The following SOX5 variants were observed in gnomAD, a reference collection of about 807,000 sequenced individuals.
The protein encoded by SOX5 is transcription factor SOX-5.
SOX5 carries 9 observed loss-of-function variants against 92.0 expected under a neutral mutation model. That is an observed-to-expected ratio of 0.10 (90% CI 0.06 to 0.17). The LOEUF is 0.17. SOX5 is among the 10% of genes least tolerant of loss of function. SOX5 has a pLI of 1.00. For synonymous variants in SOX5, 344 were observed against 336.3 expected, an observed-to-expected ratio of 1.02 and a Z score of -0.25; for missense variants, 642 against 944.5, an observed-to-expected ratio of 0.68 and a Z score of 4.20.
intron 1 of SOX5, among the ~76,000 whole-genome samples, chr12:24,528,865 G>T (rs1950938340): frequency 6.6e-6 from 1 of 152,220 alleles, no homozygotes; most frequent in Non-Finnish European, 1.5e-5. Context: ...AAGCCTGGAT[G>T]TTATAGCTGA....
At chr12:24,098,957 A>T (rs537939961) in intron 4 of SOX5, among the ~76,000 whole-genome samples, 1 of 152,114 alleles carries the variant, frequency 6.6e-6, no homozygotes, top group Non-Finnish European at 1.5e-5. Flanking sequence ...CAAAATGGCT[A>T]TTTGTTAGTT....
intron 4 of SOX5, among the ~76,000 whole-genome samples, chr12:23,967,308 G>A (rs1263955200): frequency 6.6e-6 from 1 of 152,004 alleles, no homozygotes; most frequent in Non-Finnish European, 1.5e-5. Context: ...AAAGTCAATT[G>A]AAACTGAGCA....
intron 1 of SOX5, among the ~76,000 whole-genome samples, chr12:24,470,336 C>T (rs1470189935): frequency 6.6e-6 from 1 of 152,108 alleles, no homozygotes; most frequent in African/African-American, 2.4e-5. Context: ...ATTACTGACA[C>T]ATCCACAATA....
At chr12:23,872,818 C>A (rs1245347523) in intron 2 of SOX5, among the ~76,000 whole-genome samples, 2 of 152,084 alleles carry the variant, frequency 1.3e-5, no homozygotes, top group African/African-American at 4.8e-5. Flanking sequence ...TGGAGAACTA[C>A]GCAAGAAAAG....
chr12:24,201,190 A>G (rs777844224), intron 4 of SOX5, among the ~76,000 whole-genome samples: 2 of 152,116 alleles, frequency 1.3e-5, no homozygotes, highest in Admixed American at 6.5e-5. Context: ...TGCTTCTTAT[A>G]TGTACTGTAA....
intron 4 of SOX5, among the ~76,000 whole-genome samples, chr12:24,092,316 T>G (rs76850951): frequency 0.012 from 1,843 of 152,280 alleles, 24 homozygotes; most frequent in African/African-American, 0.041. Context: ...CGGAATTTTT[T>G]TTTTTCCAGT....
At chr12:24,508,071 G>C (rs1043886291) in intron 1 of SOX5, among the ~76,000 whole-genome samples, 68 of 152,136 alleles carry the variant, frequency 4.5e-4, no homozygotes, top group African/African-American at 1.5e-3. Context: ...GGGAGGGCCA[G>C]GTTGCAGCAG....
intron 4 of SOX5, among the ~76,000 whole-genome samples, chr12:24,192,416 G>A (rs1167886085): frequency 1.4e-5 from 2 of 139,838 alleles, no homozygotes; most frequent in Admixed American, 1.4e-4. Context: ...ACTTGGTGCA[G>A]TGTGTTTTCT....
chr12:23,726,293 G>C (rs2093130952), intron 6 of SOX5, among the ~76,000 whole-genome samples: 1 of 152,080 alleles, frequency 6.6e-6, no homozygotes, highest in Admixed American at 6.6e-5. Flanking sequence ...AGAGATGTCT[G>C]GAATGTATGT....
intron 9 of SOX5, among the ~76,000 whole-genome samples, chr12:23,579,870 A>T (rs1949796007): frequency 6.6e-6 from 1 of 152,112 alleles, no homozygotes; most frequent in African/African-American, 2.4e-5. Context: ...TACACCATCA[A>T]GCAGTGAGCA....
chr12:23,683,151 G>C (rs1355216264), intron 6 of SOX5, among the ~76,000 whole-genome samples: 1 of 151,866 alleles, frequency 6.6e-6, no homozygotes, highest in African/African-American at 2.4e-5. Context: ...AATGTGATAA[G>C]CAAGTAACTA....
chr12:24,361,140 T>A (rs1042735563), intron 2 of SOX5, among the ~76,000 whole-genome samples: 3 of 152,150 alleles, frequency 2.0e-5, no homozygotes, highest in Non-Finnish European at 4.4e-5. Context: ...CAGTTTTGAC[T>A]GGCTCTCTCA....
chr12:24,449,230 A>G (rs1330656027), intron 1 of SOX5, among the ~76,000 whole-genome samples: 3 of 151,956 alleles, frequency 2.0e-5, no homozygotes, highest in Non-Finnish European at 4.4e-5. Flanking sequence ...GCACACTTAC[A>G]AAAAAAATTC....
intron 1 of SOX5, among the ~76,000 whole-genome samples, chr12:23,908,511 G>A (rs745983639): frequency 7.2e-5 from 11 of 151,982 alleles, no homozygotes; most frequent in Non-Finnish European, 1.5e-4. Context: ...TTCTACAGCA[G>A]CTGTTGAAAA....
chr12:24,425,749 A>G (rs1966660924), intron 1 of SOX5, among the ~76,000 whole-genome samples: 1 of 152,200 alleles, frequency 6.6e-6, no homozygotes, highest in African/African-American at 2.4e-5. Flanking sequence ...GAAACTATGC[A>G]TAGCAACAAG....
chr12:24,406,528 G>A (rs1379345953), intron 1 of SOX5, among the ~76,000 whole-genome samples: 1 of 152,106 alleles, frequency 6.6e-6, no homozygotes, highest in Non-Finnish European at 1.5e-5. Context: ...CTAGGAAGTG[G>A]GATAGGAGGT....
At chr12:24,407,206 C>G (rs889543417) in intron 1 of SOX5, among the ~76,000 whole-genome samples, 1 of 152,084 alleles carries the variant, frequency 6.6e-6, no homozygotes, top group Admixed American at 6.6e-5. Flanking sequence ...AGAAGGAGAA[C>G]AGAAGATCCT....
chr12:24,534,467 T>C (rs908124922), intron 1 of SOX5, among the ~76,000 whole-genome samples: 1 of 152,206 alleles, frequency 6.6e-6, no homozygotes, highest in Non-Finnish European at 1.5e-5. Context: ...TTCTGGTTTT[T>C]ACACAGCTTT....
intron 2 of SOX5, among the ~76,000 whole-genome samples, chr12:24,339,163 C>CCACACACACA (rs56243419): frequency 0.032 from 4,505 of 140,410 alleles, 138 homozygotes; most frequent in African/African-American, 0.076. Context: ...TCTCTCTCTG[C>CCACACACACA]CACACACACA....
Sources: allele counts gnomAD v4.1 joint callset (sites outside exome capture counted in the v4.1 genomes callset), GRCh38; gene constraint gnomAD v4.1.1; transcripts MANE v1.5; gene names NCBI Gene and HGNC (gene_info 2026-07-23, HGNC 2026-07-21).